RRP12: variants seen among roughly 807,000 people sequenced by gnomAD.
RRP12 encodes ribosomal RNA processing 12 homolog, also known as RRP12-like protein.
RRP12 carries 78 observed loss-of-function variants against 157.3 expected under a neutral mutation model. The ratio of observed to expected loss-of-function variants is 0.50; its 90% CI spans 0.41 to 0.60. The LOEUF (loss-of-function observed/expected upper bound fraction) is 0.60. RRP12 is among the 20% of genes least tolerant of loss of function. The pLI is 0.00. For missense variants in RRP12, 1,521 were observed against 1,679.9 expected, an observed-to-expected ratio of 0.91 and a Z score of 1.65; for synonymous variants, 726 against 670.9, an observed-to-expected ratio of 1.08 and a Z score of -1.27.
chr10:97,389,716 C>CT (rs1003320195), intron 6 of RRP12, among the ~76,000 whole-genome samples: 5 of 151,314 alleles, frequency 3.3e-5, no homozygotes, highest in South Asian at 4.2e-4. Context: ...ATCTCTATTT[C>CT]TTTTTTTTTC....
Position 97,358,937 on chromosome 10 carries a change from A to G in RRP12, c.3708+6T>C, listed in dbSNP as rs759479450. 1 of 1,612,058 alleles carries G rather than the reference A, an allele frequency of 6.2e-7. No individual in the cohort carries two copies. Among genetic ancestry groups the G allele is most frequent in the South Asian group, 1.1e-5 (1 of 91,022 alleles). On this transcript the variant is annotated splice_donor_region_variant and intron_variant, in intron 32 of 33. Coordinates refer to ENST00000370992, the MANE Select transcript of RRP12 (RefSeq NM_015179.4). ...GGAGACCCCATGCCCTACATGCAGCACTTACCTTGGCCTTGTATTCAGCCC... is the reference window on the plus strand; with the variant it reads ...GGAGACCCCATGCCCTACATGCAGCGCTTACCTTGGCCTTGTATTCAGCCC...
At chr10:97,379,035 T>A (rs11189173) in intron 15 of RRP12, among the ~76,000 whole-genome samples, 1 of 152,236 alleles carries the variant, frequency 6.6e-6, no homozygotes, top group African/African-American at 2.4e-5. Context: ...AAGGCCCAGT[T>A]GGGGCAGCTC....
At chr10:97,362,831 G>A (rs1188876757) in intron 30 of RRP12, among the ~76,000 whole-genome samples, 1 of 152,104 alleles carries the variant, frequency 6.6e-6, no homozygotes, top group African/African-American at 2.4e-5. Flanking sequence ...ACTCCTCCTC[G>A]GGCCACACTG....
In RRP12 at chr10:97,370,640, C is replaced by T. The variant is rs567846210; in HGVS notation, c.2583+76G>A. ...GAATCGAGTCCTCCCACTCCCATCACTGCCCTCCCTGGATCCTGAGGCCCT... is the reference window on the plus strand; with the variant it reads ...GAATCGAGTCCTCCCACTCCCATCATTGCCCTCCCTGGATCCTGAGGCCCT... On this transcript the variant is annotated intron_variant, in intron 22 of 33. Coordinates refer to ENST00000370992, the MANE Select transcript of RRP12 (RefSeq NM_015179.4). 5 of 1,587,626 alleles carry T rather than the reference C, an allele frequency of 3.1e-6. No homozygotes were observed. In the East Asian group the frequency reaches 1.1e-4, roughly 35 times the overall value.
intron 24 of RRP12, 113 bp from the exon 25 acceptor site, chr10:97,369,695 T>A: frequency 8.8e-7 from 1 of 1,140,868 alleles, no homozygotes; most frequent in South Asian, 1.5e-5. Context: ...ATTGAGAGCC[T>A]TTCCGTATGC....
intron 15 of RRP12, among the ~76,000 whole-genome samples, chr10:97,375,051 C>G (rs543853423): frequency 6.6e-6 from 1 of 152,220 alleles, no homozygotes; most frequent in East Asian, 1.9e-4. Context: ...TCACCATCTG[C>G]TAAACTTGTC....
chr10:97,399,749 TAAAA>T (rs113947828), intron 2 of RRP12, among the ~76,000 whole-genome samples: 1 of 113,786 alleles, frequency 8.8e-6, no homozygotes. Flanking sequence ...TTAAATATAC[TAAAA>T]AAAAAAAAAA....
intron 33 of RRP12, among the ~76,000 whole-genome samples, chr10:97,357,841 C>A (rs1843750085): frequency 6.6e-6 from 1 of 151,830 alleles, no homozygotes; most frequent in South Asian, 2.1e-4. Context: ...TGCCTGTAGT[C>A]CCAGCTACTC....
At chr10:97,377,758 C>A (rs1844349231) in intron 15 of RRP12, among the ~76,000 whole-genome samples, 1 of 149,974 alleles carries the variant, frequency 6.7e-6, no homozygotes, top group Admixed American at 6.7e-5. Flanking sequence ...GCAGGAGATT[C>A]TCTTGAACCC....
chr10:97,393,206 A>G, intron 4 of RRP12: 1 of 438,836 alleles, frequency 2.3e-6, no homozygotes, highest in Non-Finnish European at 4.6e-6. Context: ...GAGCTTTCTG[A>G]CTCTGCTTTT....
At chr10:97,394,834 A>C (rs1171121560) in intron 3 of RRP12, among the ~76,000 whole-genome samples, 1 of 152,154 alleles carries the variant, frequency 6.6e-6, no homozygotes, top group African/African-American at 2.4e-5. Flanking sequence ...TGTGTGTTTT[A>C]ACAATTCTTT....
In RRP12 at chr10:97,384,216, C is replaced by G. The variant is rs550720135; in HGVS notation, c.1208+950G>C. On this transcript the variant is annotated intron_variant, in intron 10 of 33. Transcript: ENST00000370992. Reference sequence around the variant, plus strand: ...AGCAGCCAGGATGGGGCTCTGAGCACCCCCAACCTCAGCAACCAGACGCAG... The same window carrying G: ...AGCAGCCAGGATGGGGCTCTGAGCAGCCCCAACCTCAGCAACCAGACGCAG... 3.5e-3 allele frequency among the ~76,000 whole-genome samples: 477 copies of G among 134,504 alleles called. 3 individuals carry two copies. The highest frequency in any genetic ancestry group is 0.013 in the African/African-American group (454 of 34,870). The allele number at this position is 134,504 out of a possible 152,430, so 88.2% of individuals were successfully genotyped here. A position where few individuals can be genotyped will look rare whatever the true frequency, so the allele number is the denominator to read the frequency against.
At chr10:97,386,263 AT>A (rs60314380) in intron 8 of RRP12, among the ~76,000 whole-genome samples, 7,666 of 138,852 alleles carry the variant, frequency 0.055, 207 homozygotes, top group Non-Finnish European at 0.063. Context: ...TTACAGCTGT[AT>A]TTTTTTTTTT....
At position 97,366,725 on chromosome 10, in the gene RRP12, C is replaced by T. The variant is rs1406147236; in HGVS notation, c.3215+17G>A. The T allele has an allele frequency of 2.5e-6, 4 of 1,609,986 alleles. No individual in the cohort carries two copies. The highest frequency in any genetic ancestry group is 1.6e-4 in the Middle Eastern group (1 of 6,062). On this transcript the variant is annotated intron_variant, in intron 27 of 33. Transcript: ENST00000370992. ...GTTGGGGGGACACCGGGTCCCATGG[C>T]CCTAACATGGTCTCACCTGTCACCT...
intron 4 of RRP12, chr10:97,393,467 T>C (rs1311532542): frequency 1.5e-6 from 1 of 686,250 alleles, no homozygotes; most frequent in Non-Finnish European, 2.7e-6. Flanking sequence ...AATGATTCTA[T>C]TACCAGGGGT....
intron 31 of RRP12, among the ~76,000 whole-genome samples, chr10:97,359,628 G>C (rs1247331078): frequency 4.6e-5 from 7 of 152,186 alleles, no homozygotes; most frequent in African/African-American, 1.7e-4. Context: ...AGGACTCTCT[G>C]AGACGACCAA....
In RRP12 at chr10:97,390,419, T is replaced by G. The variant is rs1844769282; in HGVS notation, c.753+4A>C. The G allele has an allele frequency of 6.2e-7, 1 of 1,609,002 alleles. No individual in the cohort carries two copies. The highest frequency in any genetic ancestry group is 1.1e-5 in the South Asian group (1 of 91,004). ...CCCATTTTCTAGGGAGCTAGTAGTC[T>G]CACCTTGGGCTTGGGATGCACCGTG... On this transcript the variant is annotated splice_donor_region_variant and intron_variant, in intron 6 of 33. Transcript: ENST00000370992.
At chr10:97,392,980 A>G (rs1844851358) in intron 4 of RRP12, among the ~76,000 whole-genome samples, 2 of 149,924 alleles carry the variant, frequency 1.3e-5, no homozygotes, top group South Asian at 2.1e-4. Context: ...CGATCTGCCC[A>G]CCTCAGCCTC....
intron 2 of RRP12, 81 bp from the exon 3 acceptor site, chr10:97,396,382 A>G: frequency 2.7e-6 from 3 of 1,091,006 alleles, no homozygotes; most frequent in Non-Finnish European, 4.2e-6. Context: ...GCTCCTTCAC[A>G]GATTAATCTC....
Sources: gnomAD v4.1 joint callset for allele counts (sites outside exome capture counted in the v4.1 genomes callset) on GRCh38, gnomAD v4.1.1 for gene constraint, MANE v1.5 for transcripts, NCBI Gene and HGNC (gene_info 2026-07-23, HGNC 2026-07-21) for gene names.